Variants in SCAF8 observed in about 807,000 individuals in gnomAD.
SCAF8 encodes SR-related and CTD-associated factor 8.
Under a neutral mutation model 140.5 loss-of-function variants are expected in SCAF8, and 23 were observed. That is an observed-to-expected ratio of 0.16 (90% CI 0.12 to 0.23). The LOEUF (loss-of-function observed/expected upper bound fraction) is 0.23, where lower values mean the gene tolerates loss of function less well. SCAF8 is among the 10% of genes least tolerant of loss of function. The pLI is 1.00. For missense variants in SCAF8, 1,397 were observed against 1,555.7 expected (o/e 0.90, Z 1.72); for synonymous variants, 575 against 528.9 (o/e 1.09, Z -1.20).
rs140397785 is a variant in SCAF8 at position 154,741,221 on chromosome 6, G to A, written c.30+7291G>A. ...AAACTGATAATGGTTTTGAGAGACT[G>A]CATGATTTGAGAGTGTTAATCACAC... On this transcript the variant is annotated intron_variant, in intron 1 of 19. Transcript: ENST00000367178. Among the ~76,000 whole-genome samples the A allele has an allele frequency of 5.3e-4, 81 of 152,244 alleles. 1 individual carries two copies. The highest frequency in any genetic ancestry group is 1.9e-3 in the African/African-American group (79 of 41,540).
chr6:154,818,805 A>T (rs755749157), intron 14 of SCAF8, among the ~76,000 whole-genome samples: 8 of 152,202 alleles, frequency 5.3e-5, no homozygotes, highest in Non-Finnish European at 1.2e-4. Flanking sequence ...GATGTAGGTA[A>T]AAATAAGTCC....
At chr6:154,743,232 C>T (rs1411958902) in intron 1 of SCAF8, among the ~76,000 whole-genome samples, 1 of 152,140 alleles carries the variant, frequency 6.6e-6, no homozygotes, top group Non-Finnish European at 1.5e-5. Flanking sequence ...AACAGGTAGA[C>T]TTAGTTAAAT....
At chr6:154,789,324 G>C (rs1183322707) in intron 4 of SCAF8, among the ~76,000 whole-genome samples, 1 of 151,838 alleles carries the variant, frequency 6.6e-6, no homozygotes, top group Non-Finnish European at 1.5e-5. Flanking sequence ...TGTTGGGTAG[G>C]CTGGTCTCAA....
chr6:154,754,413 A>G (rs958161934), intron 1 of SCAF8, among the ~76,000 whole-genome samples: 30 of 152,142 alleles, frequency 2.0e-4, no homozygotes, highest in African/African-American at 6.5e-4. Flanking sequence ...TGTTTTTGGA[A>G]ACTGGGCTAC....
intron 7 of SCAF8, 82 bp from the exon 8 acceptor site, chr6:154,803,462 C>A: frequency 2.3e-6 from 2 of 884,758 alleles, no homozygotes; most frequent in Admixed American, 1.8e-5. Flanking sequence ...AACGGAATGC[C>A]ATTGACATTT....
At chr6:154,741,148 A>G (rs930597657) in intron 1 of SCAF8, among the ~76,000 whole-genome samples, 2 of 152,192 alleles carry the variant, frequency 1.3e-5, no homozygotes, top group African/African-American at 2.4e-5. Flanking sequence ...TTGAAATGAC[A>G]TATAGAAGTT....
intron 14 of SCAF8, among the ~76,000 whole-genome samples, chr6:154,819,045 A>C (rs1778336929): frequency 1.3e-5 from 2 of 151,450 alleles, no homozygotes; most frequent in Admixed American, 1.3e-4. Context: ...ATTATCTATC[A>C]GAATATTTTT....
intron 1 of SCAF8, among the ~76,000 whole-genome samples, chr6:154,759,637 A>C (rs1779049196): frequency 1.3e-5 from 2 of 151,230 alleles, no homozygotes; most frequent in South Asian, 2.1e-4. Context: ...TGACATCTGG[A>C]TATTAGAATC....
chr6:154,827,047 A>T, intron 17 of SCAF8, 125 bp from the exon 18 acceptor site: 1 of 728,018 alleles, frequency 1.4e-6, no homozygotes, highest in Non-Finnish European at 2.2e-6. Context: ...TAGAAAAAAT[A>T]TATATAAATA....
At chr6:154,742,600 G>A (rs1158376699) in intron 1 of SCAF8, among the ~76,000 whole-genome samples, 1 of 152,020 alleles carries the variant, frequency 6.6e-6, no homozygotes, top group Non-Finnish European at 1.5e-5. Context: ...TTCTGATTTT[G>A]ATTTTATGCA....
chr6:154,759,664 A>AT (rs67700317), intron 1 of SCAF8, among the ~76,000 whole-genome samples: 55,852 of 133,254 alleles, frequency 0.42, 12,548 homozygotes, highest in East Asian at 0.89. Flanking sequence ...TGTCATAATA[A>AT]TTTTTTTTTT....
In SCAF8 at chr6:154,803,641, A is replaced by G. The variant is rs1484726781; in HGVS notation, c.863+18A>G. 3.9e-6 allele frequency: 6 copies of G among 1,528,038 alleles called. No homozygotes were observed. In the Admixed American group the frequency reaches 6.8e-5, roughly 17 times the overall value. The allele number at this position is 1,528,038 out of a possible 1,614,324, so 94.7% of individuals were successfully genotyped here. Reference sequence around the variant, plus strand: ...TCACAACTGTAAGAATTTTTTCTTTATAGCCATAGTTTTTTTATATTTAGT... The same window carrying G: ...TCACAACTGTAAGAATTTTTTCTTTGTAGCCATAGTTTTTTTATATTTAGT... On this transcript the variant is annotated intron_variant, in intron 8 of 19. Coordinates refer to ENST00000367178, the MANE Select transcript of SCAF8 (RefSeq NM_014892.5).
At position 154,822,308 on chromosome 6, in the gene SCAF8, A is replaced by G. The variant is rs1778441515; in HGVS notation, c.1825A>G (p.Lys609Glu). ...AACTGTGAAAAGCTCAGAACCTGTT[A>G]AAGAGACGGTCCAGACAACTCAGAG... ...WETVKSSEPV[K>E]ETVQTTQSPT... The change falls in exon 16 of 20, where the codon AAA becomes GAA. Residue 609 changes from lysine to glutamate, a missense_variant. By Grantham distance (56) the Lys-to-Glu change is moderately conservative. This residue lies in a region of SCAF8 where 930 missense variants were observed against 874.6 expected (regional missense o/e 1.06). Coordinates refer to ENST00000367178, the MANE Select transcript of SCAF8 (RefSeq NM_014892.5). 2 of 1,613,236 alleles carry G rather than the reference A, an allele frequency of 1.2e-6. No homozygotes were observed. Among genetic ancestry groups the G allele is most frequent in the Non-Finnish European group, 8.5e-7 (1 of 1,179,472 alleles).
intron 7 of SCAF8, 115 bp downstream of exon 7, chr6:154,802,262 T>C: frequency 1.9e-6 from 1 of 530,772 alleles, no homozygotes. Context: ...TCCTGTACAC[T>C]GTATAAGACA....
At chr6:154,809,763 C>G (rs531140703) in intron 11 of SCAF8, among the ~76,000 whole-genome samples, 4 of 152,200 alleles carry the variant, frequency 2.6e-5, no homozygotes, top group Admixed American at 1.3e-4. Flanking sequence ...GAGGCCCTTT[C>G]TAGAATCTTT....
Position 154,827,154 on chromosome 6 carries a change from GT to G in SCAF8, c.2072-9del, listed in dbSNP as rs200266208. ...AATTTTTCTTGTGCTATTTTTTGGG[GT>G]TTTTTTTTCTGTCTAGGTTTCATGC... On this transcript the variant is annotated splice_polypyrimidine_tract_variant and intron_variant, in intron 17 of 19. Transcript: ENST00000367178. 4.9e-5 allele frequency: 76 copies of G among 1,541,886 alleles called. No individual in the cohort carries two copies. Among genetic ancestry groups the G allele is most frequent in the African/African-American group, 3.5e-4 (25 of 71,482 alleles).
At chr6:154,777,203 A>G (rs943142662) in intron 2 of SCAF8, among the ~76,000 whole-genome samples, 1 of 152,088 alleles carries the variant, frequency 6.6e-6, no homozygotes, top group African/African-American at 2.4e-5. Flanking sequence ...AAAAAAAAGT[A>G]TAAAGAGAAG....
chr6:154,751,703 T>G (rs1778842268), intron 1 of SCAF8, among the ~76,000 whole-genome samples: 1 of 152,244 alleles, frequency 6.6e-6, no homozygotes, highest in Non-Finnish European at 1.5e-5. Context: ...TTCATTATTT[T>G]TACTATGGAT....
chr6:154,807,959 T>C (rs1777970703), intron 9 of SCAF8, 111 bp from the exon 10 acceptor site: 3 of 916,732 alleles, frequency 3.3e-6, no homozygotes, highest in Admixed American at 2.7e-5. Context: ...ATTTCTTTTA[T>C]GTATGGCTCA....
Sources: gnomAD v4.1 joint callset for allele counts (sites outside exome capture counted in the v4.1 genomes callset) on GRCh38, gnomAD v4.1.1 for gene constraint, gnomAD v4.1.1 regional missense constraint, MANE v1.5 for transcripts, NCBI Gene and HGNC (gene_info 2026-07-23, HGNC 2026-07-21) for gene names.